Variants in GEN1 observed in about 807,000 individuals in gnomAD.
The protein encoded by GEN1 is flap endonuclease GEN homolog 1.
In GEN1, 64 loss-of-function variants were observed where a neutral mutation model predicts 67.6. The observed-to-expected ratio is 0.95, with a 90% CI of 0.77 to 1.17. GEN1 has a LOEUF of 1.17. Among genes scored for constraint, GEN1 ranks in the 50% most tolerant of loss-of-function variants. The probability of loss-of-function intolerance (pLI) is 0.00; values close to 1 mark genes in which losing one functional copy is unlikely to be tolerated. For synonymous variants in GEN1, 371 were observed against 359.4 expected (o/e 1.03, Z -0.37); for missense variants, 1,058 against 1,048.3 (o/e 1.01, Z -0.13).
chr2:17,773,801 GAC>G (rs1478284499), intron 10 of GEN1, among the ~76,000 whole-genome samples: 4 of 152,174 alleles, frequency 2.6e-5, no homozygotes, highest in Admixed American at 2.0e-4. Flanking sequence ...AGTGGCTAGG[GAC>G]ACGGAGTGGC....
Position 17,782,299 on chromosome 2 carries a change from T to C in GEN1, c.*360T>C, listed in dbSNP as rs1285823694. 1 of 158,116 alleles carries C rather than the reference T, an allele frequency of 6.3e-6. No homozygotes were observed. The highest frequency in any genetic ancestry group is 1.8e-4 in the East Asian group (1 of 5,454). 9.8% of individuals were successfully genotyped at this position (158,116 alleles called of 1,614,324 possible). A position where few individuals can be genotyped will look rare whatever the true frequency, so the allele number is the denominator to read the frequency against. On this transcript the variant is annotated 3_prime_UTR_variant, in exon 14 of 14. Transcript: ENST00000381254. The stretch of plus-strand genomic sequence containing the variant: ...ATATTCCAGCTTGTTCCCAAGAGGA[T>C]AATTCTTTATACTTCTCTTCATTCT...
rs1673057298 is a variant in GEN1 at position 17,786,291 on chromosome 2, C to T, written c.*4352C>T. 6.6e-6 allele frequency: 1 copy of T among 152,162 alleles called. No homozygotes were observed. The highest frequency in any genetic ancestry group is 1.5e-5 in the Non-Finnish European group (1 of 68,030). The allele number at this position is 152,162 out of a possible 1,614,324, so 9.4% of individuals were successfully genotyped here. A position where few individuals can be genotyped will look rare whatever the true frequency, so the allele number is the denominator to read the frequency against. ...CAAACTGAATGCAGCCAAGCACTGC[C>T]TTTTGGTAAAAATGTGGACACAGTA... On this transcript the variant is annotated 3_prime_UTR_variant, in exon 14 of 14. Coordinates refer to ENST00000381254, the MANE Select transcript of GEN1 (RefSeq NM_001130009.3).
Position 17,762,493 on chromosome 2 carries a change from C to A in GEN1, c.348+911C>A, listed in dbSNP as rs1256140807. On this transcript the variant is annotated intron_variant, in intron 3 of 13. Transcript: ENST00000381254. ...AAGTGCTGGGATTACAGGTGTGAGC[C>A]CCTGTGCCTGGCCTTTTTTGTCTGT... Among the ~76,000 whole-genome samples the A allele has an allele frequency of 1.6e-4, 25 of 151,990 alleles. 1 individual carries two copies. Among genetic ancestry groups the A allele is most frequent in the Admixed American group, 1.6e-3 (25 of 15,242 alleles).
chr2:17,765,184 G>C, intron 4 of GEN1, 111 bp downstream of exon 4: 2 of 918,162 alleles, frequency 2.2e-6, no homozygotes, highest in Non-Finnish European at 3.3e-6. Flanking sequence ...CTTGCACGTA[G>C]CAATTGCTAA....
At chr2:17,769,321 C>T (rs970197392) in intron 6 of GEN1, among the ~76,000 whole-genome samples, 20 of 151,440 alleles carry the variant, frequency 1.3e-4, no homozygotes, top group Non-Finnish European at 4.4e-5. Context: ...CAAGTGATCC[C>T]CCTGCCTTGG....
At chr2:17,776,402 G>T (rs561353885) in intron 11 of GEN1, among the ~76,000 whole-genome samples, 1 of 152,256 alleles carries the variant, frequency 6.6e-6, no homozygotes, top group Admixed American at 6.5e-5. Flanking sequence ...CTTCCAGAGT[G>T]TGAAAGTTTT....
rs1335401253 is a variant in GEN1, at chr2:17,768,772, A to C, written c.671A>C (p.Lys224Thr). 2 of 1,611,760 alleles carry C rather than the reference A, an allele frequency of 1.2e-6. No individual in the cohort carries two copies. Among genetic ancestry groups the C allele is most frequent in the Admixed American group, 3.3e-5 (2 of 59,828 alleles). The change falls in exon 6 of 14, where the codon AAA becomes ACA. Residue 224 changes from lysine (K) to threonine (T), a missense_variant. Coordinates refer to ENST00000381254, the MANE Select transcript of GEN1 (RefSeq NM_001130009.3). ...VPGVGKEQAL[K>T]LIQILKGQSL... The stretch of plus-strand genomic sequence containing the variant: ...GGAGTTGGAAAAGAGCAAGCATTAA[A>C]ACTTATACAGATTTTGAAAGGGCAA...
In GEN1 at chr2:17,782,944, T is replaced by G. The variant is rs1444603917; in HGVS notation, c.*1005T>G. The G allele has an allele frequency of 6.6e-6, 1 of 152,190 alleles. No individual in the cohort carries two copies. Among genetic ancestry groups the G allele is most frequent in the Non-Finnish European group, 1.5e-5 (1 of 68,038 alleles). The allele number at this position is 152,190 out of a possible 1,614,324, so 9.4% of individuals were successfully genotyped here. A position where few individuals can be genotyped will look rare whatever the true frequency, so the allele number is the denominator to read the frequency against. ...AAATGGTGTCTGCAGATGACAAGAT[T>G]GTATGCATCAAAAATTCTAAGAAAT... On this transcript the variant is annotated 3_prime_UTR_variant, in exon 14 of 14. Coordinates refer to ENST00000381254, the MANE Select transcript of GEN1 (RefSeq NM_001130009.3).
At chr2:17,774,470 A>G (rs983316123) in intron 11 of GEN1, 69 bp downstream of exon 11, 9 of 1,325,378 alleles carry the variant, frequency 6.8e-6, no homozygotes, top group Non-Finnish European at 9.2e-6. Flanking sequence ...AATATTCCTA[A>G]TATCTTTAAG....
At chr2:17,776,136 A>G (rs1375541648) in intron 11 of GEN1, among the ~76,000 whole-genome samples, 1 of 145,032 alleles carries the variant, frequency 6.9e-6, no homozygotes, top group Non-Finnish European at 1.5e-5. Context: ...AAAAAAAAAA[A>G]GGAAAGTTTA....
chr2:17,755,770 G>T (rs1454313402), intron 1 of GEN1: 1 of 152,152 alleles, frequency 6.6e-6, no homozygotes, highest in Non-Finnish European at 1.5e-5. Context: ...TTAAGCCCCT[G>T]ACCTCTTTAT....
chr2:17,765,717 C>T (rs1671896749), intron 4 of GEN1, among the ~76,000 whole-genome samples: 1 of 152,176 alleles, frequency 6.6e-6, no homozygotes, highest in Non-Finnish European at 1.5e-5. Context: ...TGATGTAATA[C>T]AGTGCAGTCA....
chr2:17,781,709 A>AAAGAAAGTGGCCAT lies in GEN1; in HGVS notation c.2500_2513dup (p.Asn838LysfsTer8). The AAAGAAAGTGGCCAT allele has an allele frequency of 6.2e-7, 1 of 1,613,380 alleles. No individual in the cohort carries two copies. The highest frequency in any genetic ancestry group is 8.5e-7 in the Non-Finnish European group (1 of 1,179,554). On this transcript the variant is annotated frameshift_variant, in exon 14 of 14. Coordinates refer to ENST00000381254, the MANE Select transcript of GEN1 (RefSeq NM_001130009.3). LOFTEE classifies it low-confidence loss of function (END_TRUNC). ...TCAAAAGCATAATTCATCCCATTTC[A>AAAGAAAGTGGCCAT]AAGAAAGTGGCCATAACAAGTTGAG...
At chr2:17,761,191 C>T (rs548973063) in intron 2 of GEN1, among the ~76,000 whole-genome samples, 10 of 152,154 alleles carry the variant, frequency 6.6e-5, no homozygotes, top group South Asian at 4.1e-4. Context: ...GATCATGCCA[C>T]TGCACTCCAG....
chr2:17,754,895 C>T (rs1671338679), intron 1 of GEN1: 1 of 152,226 alleles, frequency 6.6e-6, no homozygotes, highest in African/African-American at 2.4e-5. Context: ...CCCTTCTCAA[C>T]CCCACACTCC....
chr2:17,788,902 A>T lies in GEN1; in HGVS notation c.*6963A>T, dbSNP rs1346340470. The T allele has an allele frequency of 6.6e-6, 1 of 152,240 alleles. No individual in the cohort carries two copies. The allele number at this position is 152,240 out of a possible 1,614,324, so 9.4% of individuals were successfully genotyped here. ...AACTGCTCTGATGTAATTATTGCTA[A>T]CATTTACGTTTTTATTAAACTGAAA... On this transcript the variant is annotated 3_prime_UTR_variant, in exon 14 of 14. Transcript: ENST00000381254.
rs1380527932 is a variant in GEN1 at position 17,781,737 on chromosome 2, G to A, written c.2525G>A (p.Ser842Asn). Residue 842 changes from serine (S) to asparagine (N), a missense_variant, in exon 14 of 14, where the codon AGC becomes AAC. By Grantham distance (46) the Ser-to-Asn change is conservative (BLOSUM62 1). Transcript: ENST00000381254. ...GAAAGTGGCCATAACAAGTTGAGTA[G>A]CCCTAAGATACATATTAAAGAAACT... ...FKESGHNKLS[S>N]PKIHIKETEQ... 3 of 1,613,452 alleles carry A rather than the reference G, an allele frequency of 1.9e-6. No homozygotes were observed. Among genetic ancestry groups the A allele is most frequent in the Admixed American group, 3.3e-5 (2 of 59,966 alleles).
rs1411810547 is a variant in GEN1, at chr2:17,783,656, C to A, written c.*1717C>A. The A allele has an allele frequency of 1.3e-5, 2 of 152,102 alleles. No homozygotes were observed. The highest frequency in any genetic ancestry group is 2.9e-5 in the Non-Finnish European group (2 of 68,022). 9.4% of individuals were successfully genotyped at this position (152,102 alleles called of 1,614,324 possible). On this transcript the variant is annotated 3_prime_UTR_variant, in exon 14 of 14. Transcript: ENST00000381254. ...GGTAGACATATAGGTCAATATAGAT[C>A]AATGGCATAGAATTGAGAATTCAGA... is the stretch of plus-strand genomic sequence containing the variant.
intron 6 of GEN1, 26 bp from the exon 7 acceptor site, chr2:17,771,170 T>C (rs1306367596): frequency 6.7e-7 from 1 of 1,500,038 alleles, no homozygotes; most frequent in Non-Finnish European, 9.3e-7. Context: ...TTTTTTCCTT[T>C]TTTTAAAAAC....
Sources: allele counts gnomAD v4.1 joint callset (sites outside exome capture counted in the v4.1 genomes callset), GRCh38; gene constraint gnomAD v4.1.1; transcripts MANE v1.5; gene names NCBI Gene and HGNC (gene_info 2026-07-23, HGNC 2026-07-21).